Variants in CFAP44 observed in about 807,000 individuals in gnomAD.
CFAP44 encodes cilia- and flagella-associated protein 44.
A neutral mutation model predicts 216.2 loss-of-function variants in CFAP44; 134 were observed. The ratio of observed to expected loss-of-function variants is 0.62; its 90% CI spans 0.54 to 0.72. The LOEUF (loss-of-function observed/expected upper bound fraction) is 0.72. CFAP44 is among the 30% of genes least tolerant of loss of function. The pLI is 0.00. For missense variants in CFAP44, 2,035 were observed against 2,182.1 expected (o/e 0.93, Z 1.34); for synonymous variants, 700 against 727.6 (o/e 0.96, Z 0.61).
intron 34 of CFAP44, chr3:113,294,036 G>A (rs1333981302): frequency 1.3e-5 from 6 of 456,516 alleles, no homozygotes; most frequent in Non-Finnish European, 2.6e-5. Flanking sequence ...CATTTCCAGG[G>A]TTCTGAAAGA....
At chr3:113,333,025 T>C (rs944437995) in intron 25 of CFAP44, among the ~76,000 whole-genome samples, 1 of 152,132 alleles carries the variant, frequency 6.6e-6, no homozygotes, top group African/African-American at 2.4e-5. Flanking sequence ...TTAATACTTC[T>C]AATAAGGCCA....
chr3:113,377,886 C>T (rs575593256), intron 17 of CFAP44, among the ~76,000 whole-genome samples: 6 of 152,074 alleles, frequency 3.9e-5, no homozygotes, highest in Non-Finnish European at 5.9e-5. Context: ...CTTCTGACCT[C>T]GTGATCCACC....
intron 16 of CFAP44, among the ~76,000 whole-genome samples, chr3:113,380,026 T>C (rs978365574): frequency 6.6e-6 from 1 of 152,184 alleles, no homozygotes; most frequent in Non-Finnish European, 1.5e-5. Flanking sequence ...TCCTAACTTA[T>C]TTTTTTAAAT....
At chr3:113,326,920 C>T (rs1287824317) in intron 27 of CFAP44, among the ~76,000 whole-genome samples, 1 of 152,030 alleles carries the variant, frequency 6.6e-6, no homozygotes, top group African/African-American at 2.4e-5. Flanking sequence ...CTTGAAATTC[C>T]TTAAATTGAA....
intron 28 of CFAP44, among the ~76,000 whole-genome samples, chr3:113,309,329 T>G (rs1378589167): frequency 6.6e-6 from 1 of 152,220 alleles, no homozygotes; most frequent in East Asian, 1.9e-4. Context: ...ACCCTACTTC[T>G]TAGTAATTTT....
chr3:113,409,097 C>G lies in CFAP44; in HGVS notation c.890+9G>C. 1 of 1,610,142 alleles carries G rather than the reference C, an allele frequency of 6.2e-7. No individual in the cohort carries two copies. The highest frequency in any genetic ancestry group is 8.5e-7 in the Non-Finnish European group (1 of 1,178,020). ...ATCTACTGGCACCTCTATTGGTTAC[C>G]CAACCTACTTGATGTGGCCTGATCC... On this transcript the variant is annotated intron_variant, in intron 7 of 34. Transcript: ENST00000393845.
chr3:113,327,167 C>G (rs1011825126), intron 27 of CFAP44, among the ~76,000 whole-genome samples: 1 of 151,974 alleles, frequency 6.6e-6, no homozygotes, highest in African/African-American at 2.4e-5. Context: ...AATAAAGGAA[C>G]CTCATTTCTT....
At chr3:113,365,950 C>T (rs1950582873) in intron 19 of CFAP44, 89 bp downstream of exon 19, 9 of 1,424,370 alleles carry the variant, frequency 6.3e-6, no homozygotes, top group Admixed American at 2.3e-5. Flanking sequence ...GTCTAAATAA[C>T]TTTTAATTTA....
chr3:113,361,592 T>G (rs1950541864), intron 21 of CFAP44, among the ~76,000 whole-genome samples: 1 of 151,500 alleles, frequency 6.6e-6, no homozygotes, highest in Non-Finnish European at 1.5e-5. Context: ...CCTCCCAGGT[T>G]TCACGCCATT....
chr3:113,387,723 G>A (rs1023668728), intron 15 of CFAP44, among the ~76,000 whole-genome samples: 2 of 152,008 alleles, frequency 1.3e-5, no homozygotes, highest in Admixed American at 6.6e-5. Flanking sequence ...GGGCACAGTG[G>A]AATAGAGCAC....
chr3:113,388,569 C>T (rs553572901), intron 15 of CFAP44, among the ~76,000 whole-genome samples: 1 of 152,084 alleles, frequency 6.6e-6, no homozygotes, highest in Non-Finnish European at 1.5e-5. Context: ...AGTAAATGGA[C>T]TAAACTCTCT....
chr3:113,313,523 A>C (rs1278107026), intron 28 of CFAP44, among the ~76,000 whole-genome samples: 1 of 152,084 alleles, frequency 6.6e-6, no homozygotes, highest in African/African-American at 2.4e-5. Context: ...ATGTAAGGAC[A>C]TGAGATTTGG....
intron 15 of CFAP44, among the ~76,000 whole-genome samples, chr3:113,385,891 G>A (rs1223984979): frequency 6.6e-6 from 1 of 151,434 alleles, no homozygotes; most frequent in Non-Finnish European, 1.5e-5. Context: ...TGATCTGCCT[G>A]CCTCAGCCTC....
intron 22 of CFAP44, among the ~76,000 whole-genome samples, chr3:113,353,250 C>T (rs1280753242): frequency 6.6e-6 from 1 of 152,068 alleles, no homozygotes; most frequent in Non-Finnish European, 1.5e-5. Flanking sequence ...ACAAAAACCA[C>T]AGAATGAAAG....
rs757908791 is a variant in CFAP44 at position 113,420,115 on chromosome 3, T to G, written c.472A>C (p.Ile158Leu). 6.2e-7 allele frequency: 1 copy of G among 1,613,988 alleles called. No homozygotes were observed. The highest frequency in any genetic ancestry group is 2.2e-5 in the East Asian group (1 of 44,876). Residue 158 changes from isoleucine (I) to leucine (L), a missense_variant, in exon 5 of 35, where the codon ATA (isoleucine) becomes CTA (leucine). Ile to Leu is a conservative substitution (Grantham distance 5). This residue lies in a region of CFAP44 where 1,883 missense variants were observed against 2,023.7 expected (regional missense o/e 0.93). Coordinates refer to ENST00000393845, the MANE Select transcript of CFAP44 (RefSeq NM_001164496.2). ...ATCAGTTGGTTCCCAGCTATGTATA[T>G]GGCGATACTGTCGTCCAGAAGTTGT... ...NLQLLDDSIA[I>L]YIAGNQLIFL...
chr3:113,304,875 T>C (rs1424164290), intron 31 of CFAP44, among the ~76,000 whole-genome samples, 161 bp downstream of exon 31: 1 of 152,212 alleles, frequency 6.6e-6, no homozygotes, highest in Non-Finnish European at 1.5e-5. Context: ...TTTATAACAA[T>C]CTGACAGTGG....
chr3:113,341,793 C>T lies in CFAP44; in HGVS notation c.3388G>A (p.Glu1130Lys). ...TGTTGAATCTTTAGTTGTGCCCTTT[C>T]AGCTTTTAATATAAGTTTTCTCGTT... The part of the protein sequence containing the change: ...EKTRKLILKA[E>K]RAQLKIQQRK... The change falls in exon 24 of 35, where the codon GAA becomes AAA. Residue 1130 changes from glutamate to lysine, a missense_variant. By Grantham distance (56) the Glu-to-Lys change is moderately conservative. Coordinates refer to ENST00000393845, the MANE Select transcript of CFAP44 (RefSeq NM_001164496.2). 2.6e-6 allele frequency: 4 copies of T among 1,526,614 alleles called. No homozygotes were observed. The highest frequency in any genetic ancestry group is 1.2e-5 in the South Asian group (1 of 80,552). The allele number at this position is 1,526,614 out of a possible 1,614,324, so 94.6% of individuals were successfully genotyped here.
At chr3:113,401,133 T>G (rs1934128780) in intron 11 of CFAP44, 107 bp downstream of exon 11, 5 of 1,062,610 alleles carry the variant, frequency 4.7e-6, no homozygotes, top group Non-Finnish European at 6.8e-6. Flanking sequence ...AAGTTTTTTA[T>G]GAGGACCATG....
At chr3:113,356,291 T>C (rs1027074042) in intron 22 of CFAP44, among the ~76,000 whole-genome samples, 1 of 151,824 alleles carries the variant, frequency 6.6e-6, no homozygotes, top group Non-Finnish European at 1.5e-5. Flanking sequence ...TATTCCTAAA[T>C]AGGAATTTAT....
Sources: gnomAD v4.1 joint callset for allele counts (sites outside exome capture counted in the v4.1 genomes callset) on GRCh38, gnomAD v4.1.1 for gene constraint, gnomAD v4.1.1 regional missense constraint, MANE v1.5 for transcripts, NCBI Gene and HGNC (gene_info 2026-07-23, HGNC 2026-07-21) for gene names.